Variants in EHBP1L1 observed in about 807,000 individuals in gnomAD.
EHBP1L1 encodes EH domain binding protein 1 like 1.
A neutral mutation model predicts 151.1 loss-of-function variants in EHBP1L1; 122 were observed. The ratio of observed to expected loss-of-function variants is 0.81; its 90% CI spans 0.70 to 0.94. EHBP1L1 has a LOEUF of 0.94. Among genes scored for constraint, EHBP1L1 ranks in the 40% least tolerant of loss-of-function variants. EHBP1L1 has a pLI of 0.00. For synonymous variants in EHBP1L1, 878 were observed against 810.1 expected, an observed-to-expected ratio of 1.08 and a Z score of -1.42; for missense variants, 1,941 against 1,959.8, an observed-to-expected ratio of 0.99 and a Z score of 0.18.
chr11:65,584,676 A>G (rs954954578), intron 11 of EHBP1L1, 142 bp downstream of exon 11: 7 of 1,206,228 alleles, frequency 5.8e-6, no homozygotes, highest in Non-Finnish European at 8.2e-6. Flanking sequence ...TGGTCATTAA[A>G]TTGTTTGTTT....
chr11:65,585,920 G>A lies in EHBP1L1; in HGVS notation c.3933+329G>A, dbSNP rs959005866. ...CTTGGCACTTGGTGTGGGGAATCAGGCTGCAGAAGTTCCCGGAGCATCCAC... is the reference window on the plus strand; with the variant it reads ...CTTGGCACTTGGTGTGGGGAATCAGACTGCAGAAGTTCCCGGAGCATCCAC... On this transcript the variant is annotated intron_variant, in intron 12 of 18. Transcript: ENST00000309295. This position sits in a 1 kb window ranked among gnomAD's most constrained non-coding sequence, Gnocchi z 4.0. 4.6e-5 allele frequency among the ~76,000 whole-genome samples: 7 copies of A among 152,218 alleles called. No individual in the cohort carries two copies. The highest frequency in any genetic ancestry group is 1.7e-4 in the African/African-American group (7 of 41,456).
chr11:65,579,317 G>T, intron 2 of EHBP1L1, 24 bp from the exon 3 acceptor site: 2 of 1,519,532 alleles, frequency 1.3e-6, no homozygotes, highest in Non-Finnish European at 8.9e-7. Context: ...AAGATGGGGG[G>T]AGGACTCAGA....
intron 1 of EHBP1L1, among the ~76,000 whole-genome samples, chr11:65,578,844 C>T (rs1398580267): frequency 6.6e-6 from 1 of 152,242 alleles, no homozygotes; most frequent in Non-Finnish European, 1.5e-5. Flanking sequence ...TCCCTGCCTG[C>T]CCACACTGTC....
intron 1 of EHBP1L1, among the ~76,000 whole-genome samples, chr11:65,577,422 T>G (rs577747816): frequency 6.6e-6 from 1 of 152,316 alleles, no homozygotes; most frequent in African/African-American, 2.4e-5. Context: ...CTGGGAGAGC[T>G]TGGGGGCTGG....
At chr11:65,586,910 T>A (rs1473539197) in intron 12 of EHBP1L1, among the ~76,000 whole-genome samples, 2 of 152,202 alleles carry the variant, frequency 1.3e-5, no homozygotes, top group Non-Finnish European at 2.9e-5. Context: ...CCCCCAGCTC[T>A]TGTCTCACAG....
In EHBP1L1 at chr11:65,582,422, AC is replaced by A. The variant is rs1456878201; in HGVS notation, c.1753del (p.Gln585ArgfsTer16). 6.2e-7 allele frequency: 1 copy of A among 1,611,428 alleles called. No individual in the cohort carries two copies. Among genetic ancestry groups the A allele is most frequent in the Non-Finnish European group, 8.5e-7 (1 of 1,179,276 alleles). On this transcript the variant is annotated frameshift_variant, in exon 9 of 19. Transcript: ENST00000309295. LOFTEE classifies it high-confidence loss of function. ...GGTGGTAGGGTTGGAGGTGCTGGGA[AC>A]CCAGGAGAAAGAAGTTGAGGGGTCA... ...TEVVGLEVLG[T>X]QEKEVEGSGF... is the part of the protein sequence containing the mutation.
chr11:65,586,494 G>C (rs1246284441), intron 12 of EHBP1L1, among the ~76,000 whole-genome samples: 6 of 152,260 alleles, frequency 3.9e-5, no homozygotes, highest in African/African-American at 7.2e-5. Flanking sequence ...CACCATTTGA[G>C]CTAGGTTGAT....
At position 65,590,555 on chromosome 11, in the gene EHBP1L1, A is replaced by G. The variant is rs1858219099; in HGVS notation, c.4246A>G (p.Asn1416Asp). The G allele has an allele frequency of 6.2e-7, 1 of 1,613,552 alleles. No homozygotes were observed. The highest frequency in any genetic ancestry group is 1.1e-5 in the South Asian group (1 of 91,066). ...GTGGTTCACCCTGGTCAACAAGAAG[A>G]ACGCTCTCATCCGGAGGCAGGACCA... is the stretch of plus-strand genomic sequence containing the variant. The part of the protein sequence containing the change: ...QEWFTLVNKK[N>D]ALIRRQDQLQ... Residue 1416 changes from asparagine to aspartate, a missense_variant, in exon 16 of 19, where the codon AAC becomes GAC. Asn to Asp is a conservative substitution (Grantham distance 23, BLOSUM62 1). Coordinates refer to ENST00000309295, the MANE Select transcript of EHBP1L1 (RefSeq NM_001099409.3).
At chr11:65,586,194 GC>G (rs1857959233) in intron 12 of EHBP1L1, among the ~76,000 whole-genome samples, 1 of 152,312 alleles carries the variant, frequency 6.6e-6, no homozygotes, top group South Asian at 2.1e-4. Flanking sequence ...GATCGTGAGG[GC>G]CCGTGTCCCT....
rs1192613837 is a variant in EHBP1L1 at position 65,590,124 on chromosome 11, A to G, written c.4097A>G (p.Glu1366Gly). The change falls in exon 15 of 19, where the codon GAG becomes GGG. Residue 1366 changes from glutamate to glycine, a missense_variant. Glu to Gly is a moderately conservative substitution (Grantham distance 98, BLOSUM62 -2). Coordinates refer to ENST00000309295, the MANE Select transcript of EHBP1L1 (RefSeq NM_001099409.3). ...GACACAAGTCAGTACGTGTGTGCAG[A>G]GCTGCAGGCCCTGGAACAGGAGCAG... is the stretch of plus-strand genomic sequence containing the variant. ...FQDTSQYVCA[E>G]LQALEQEQRQ... is the part of the protein sequence containing the mutation. 3.7e-6 allele frequency: 6 copies of G among 1,613,674 alleles called. No homozygotes were observed. Among genetic ancestry groups the G allele is most frequent in the Non-Finnish European group, 2.5e-6 (3 of 1,179,848 alleles).
In EHBP1L1 at chr11:65,585,055, T is replaced by C; in HGVS notation, c.3397T>C (p.Tyr1133His). The C allele has an allele frequency of 7.1e-6, 11 of 1,543,100 alleles. No homozygotes were observed. Among genetic ancestry groups the C allele is most frequent in the Non-Finnish European group, 9.6e-6 (11 of 1,151,782 alleles). ...GCCCGACAAGCTCATCGTCATGACGTACCTGTGCCAGATCCGCGCCTTCTG... is the reference window on the plus strand; with the variant it reads ...GCCCGACAAGCTCATCGTCATGACGCACCTGTGCCAGATCCGCGCCTTCTG... ...SVPDKLIVMT[Y>H]LCQIRAFCTG... Residue 1133 changes from tyrosine (Y) to histidine (H), a missense_variant, in exon 12 of 19, where the codon TAC becomes CAC. Tyr to His is a moderately conservative substitution (Grantham distance 83). Transcript: ENST00000309295. This position sits in a 1 kb window ranked among gnomAD's most constrained non-coding sequence, Gnocchi z 4.0.
intron 15 of EHBP1L1, 88 bp downstream of exon 15, chr11:65,590,298 G>T: frequency 6.4e-7 from 1 of 1,569,898 alleles, no homozygotes; most frequent in Non-Finnish European, 8.6e-7. Flanking sequence ...GGGAGGAGCT[G>T]GGAGGAGGCA....
Position 65,582,581 on chromosome 11 carries a change from G to C in EHBP1L1, c.1909G>C (p.Glu637Gln), listed in dbSNP as rs1422962784. Reference sequence around the variant, plus strand: ...TGAGGGACTGGAGACCCAGGAAACAGAGGTGGGGGTCATAGAGACCCCAGG... The same window carrying C: ...TGAGGGACTGGAGACCCAGGAAACACAGGTGGGGGTCATAGAGACCCCAGG... ...QCEGLETQET[E>Q]VGVIETPGTE... is the part of the protein sequence containing the mutation. The change falls in exon 9 of 19, where the codon GAG becomes CAG. Residue 637 changes from glutamate (E) to glutamine (Q), a missense_variant. Physicochemically the swap from Glu to Gln is conservative, Grantham distance 29 (BLOSUM62 2). Transcript: ENST00000309295. 4 of 1,613,466 alleles carry C rather than the reference G, an allele frequency of 2.5e-6. No homozygotes were observed. The highest frequency in any genetic ancestry group is 8.5e-7 in the Non-Finnish European group (1 of 1,179,866).
In EHBP1L1 at chr11:65,585,517, C is replaced by G; in HGVS notation, c.3859C>G (p.Arg1287Gly). 1.9e-6 allele frequency: 3 copies of G among 1,568,174 alleles called. No homozygotes were observed. Among genetic ancestry groups the G allele is most frequent in the Non-Finnish European group, 2.6e-6 (3 of 1,164,194 alleles). Residue 1287 changes from arginine to glycine, a missense_variant, in exon 12 of 19, where the codon CGC becomes GGC. By Grantham distance (125) the Arg-to-Gly change is moderately radical. Coordinates refer to ENST00000309295, the MANE Select transcript of EHBP1L1 (RefSeq NM_001099409.3). The surrounding 1 kb of genome is among the most constrained non-coding windows in gnomAD (Gnocchi z 4.0). ...VRDADLLKKR[R>G]SRLRNSSSFS... ...CGACGCGGACCTGCTCAAGAAGAGG[C>G]GCTCGCGGCTGCGGAACAGCAGCTC...
chr11:65,581,117 C>A lies in EHBP1L1; in HGVS notation c.694C>A (p.Gln232Lys), dbSNP rs1259719332. The A allele has an allele frequency of 6.2e-7, 1 of 1,612,926 alleles. No individual in the cohort carries two copies. Among genetic ancestry groups the A allele is most frequent in the Non-Finnish European group, 8.5e-7 (1 of 1,179,722 alleles). The change falls in exon 7 of 19, where the codon CAG (glutamine) becomes AAG (lysine). Residue 232 changes from glutamine (Q) to lysine (K), a missense_variant. By Grantham distance (53) the Gln-to-Lys change is moderately conservative. Transcript: ENST00000309295. ...EEEEEGQGRP[Q>K]QAVASPSNAE... ...GGAGGAGGAAGGCCAAGGACGACCC[C>A]AGCAGGCAGGTGAGACCCAGGCTGG...
rs1411984451 is a variant in EHBP1L1 at position 65,585,614 on chromosome 11, C to T, written c.3933+23C>T. ...GCAGTGAGTGTCAAGGTCCTTCTTT[C>T]TTCCCCCGCCGCAGCGCGGGGTCCC... On this transcript the variant is annotated intron_variant, in intron 12 of 18. Coordinates refer to ENST00000309295, the MANE Select transcript of EHBP1L1 (RefSeq NM_001099409.3). This position sits in a 1 kb window ranked among gnomAD's most constrained non-coding sequence, Gnocchi z 4.0. 8 of 1,545,808 alleles carry T rather than the reference C, an allele frequency of 5.2e-6. No individual in the cohort carries two copies. In the South Asian group the frequency reaches 9.4e-5, roughly 18 times the overall value.
chr11:65,580,312 C>T (rs1319494478), intron 5 of EHBP1L1, 25 bp from the exon 6 acceptor site: 2 of 1,613,350 alleles, frequency 1.2e-6, no homozygotes, highest in Non-Finnish European at 1.7e-6. Flanking sequence ...TGACTCCACC[C>T]TCACCTTTAA....
chr11:65,578,407 C>T (rs1393704285), intron 1 of EHBP1L1: 1 of 152,714 alleles, frequency 6.5e-6, no homozygotes, highest in Non-Finnish European at 1.5e-5. Context: ...CTTGCCATTC[C>T]CTCTTTCTCC....
chr11:65,581,506 GC>G, intron 8 of EHBP1L1, 32 bp from the exon 9 acceptor site: 1 of 1,434,196 alleles, frequency 7.0e-7, no homozygotes, highest in Non-Finnish European at 9.3e-7. Flanking sequence ...GGCCAAAGCA[GC>G]CCCCCAACTC....
Sources: gnomAD v4.1 joint callset for allele counts (sites outside exome capture counted in the v4.1 genomes callset) on GRCh38, gnomAD v4.1.1 for gene constraint, Gnocchi (gnomAD v3.1) non-coding constraint, MANE v1.5 for transcripts, NCBI Gene and HGNC (gene_info 2026-07-23, HGNC 2026-07-21) for gene names.